The following RIMS2 variants were observed in gnomAD, a reference collection of about 807,000 sequenced individuals.
RIMS2 encodes the protein regulating synaptic membrane exocytosis 2.
A neutral mutation model predicts 174.4 loss-of-function variants in RIMS2; 59 were observed. That is an observed-to-expected ratio of 0.34 (90% CI 0.27 to 0.42). RIMS2 has a LOEUF of 0.42. Ranked by LOEUF, RIMS2 falls within the 10% of genes least tolerant of loss-of-function variation. The pLI, the probability that RIMS2 is intolerant of heterozygous loss-of-function variation, is 1.00. For missense variants in RIMS2, 1,620 were observed against 1,666.3 expected, an observed-to-expected ratio of 0.97 and a Z score of 0.48; for synonymous variants, 606 against 572.5, an observed-to-expected ratio of 1.06 and a Z score of -0.84.
At chr8:103,752,952 C>T (rs1480408050) in intron 2 of RIMS2, among the ~76,000 whole-genome samples, 2 of 152,026 alleles carry the variant, frequency 1.3e-5, no homozygotes, top group East Asian at 3.9e-4. Context: ...ATTGCCCTGG[C>T]CAGAACTTCC....
chr8:103,931,519 C>A (rs76449833), intron 12 of RIMS2, 126 bp downstream of exon 14: 3 of 568,502 alleles, frequency 5.3e-6, no homozygotes, highest in South Asian at 6.4e-5. Context: ...TTAACATAAA[C>A]GTGATGTTCT....
intron 19 of RIMS2, among the ~76,000 whole-genome samples, chr8:104,090,964 A>G (rs1173798641): frequency 1.3e-5 from 2 of 151,934 alleles, no homozygotes; most frequent in African/African-American, 4.8e-5. Flanking sequence ...AATCATCATC[A>G]TCATCATCAT....
At chr8:104,140,177 T>G (rs561689889) in intron 19 of RIMS2, among the ~76,000 whole-genome samples, 24 of 152,128 alleles carry the variant, frequency 1.6e-4, no homozygotes, top group Non-Finnish European at 2.9e-4. Context: ...TTTTGAAGAT[T>G]TTTGCATCTT....
intron 19 of RIMS2, among the ~76,000 whole-genome samples, chr8:104,147,178 C>T (rs1338755537): frequency 1.3e-5 from 2 of 151,926 alleles, no homozygotes; most frequent in Non-Finnish European, 2.9e-5. Flanking sequence ...AACATATTCT[C>T]ATCTCTTTTC....
chr8:104,017,420 A>G (rs1052471043), intron 19 of RIMS2, among the ~76,000 whole-genome samples: 1 of 152,004 alleles, frequency 6.6e-6, no homozygotes, highest in African/African-American at 2.4e-5. Flanking sequence ...TCTGTTATAT[A>G]TTTAGCCATT....
At chr8:103,586,535 A>G (rs796838751) in intron 1 of RIMS2, among the ~76,000 whole-genome samples, 6 of 152,176 alleles carry the variant, frequency 3.9e-5, no homozygotes, top group African/African-American at 1.4e-4. Context: ...AAACTGAAAA[A>G]TTTGTTGAAA....
In RIMS2 at chr8:104,036,984, A is replaced by G. The variant is rs994004886; in HGVS notation, c.3334+22369A>G. ...CACCTAATTTAATAGATGGCCATTT[A>G]ATAGGTTGAAATTATTGTAAATGTT... On this transcript the variant is annotated intron_variant, in intron 19 of 23. Coordinates refer to ENST00000504942, the Ensembl canonical transcript of RIMS2. Among the ~76,000 whole-genome samples, 7 of 152,198 alleles carry G rather than the reference A, an allele frequency of 4.6e-5. No individual in the cohort carries two copies. The East Asian group carries it at 1.3e-3, about 29-fold the overall frequency.
chr8:103,835,454 T>A (rs2098876784), intron 3 of RIMS2, among the ~76,000 whole-genome samples: 1 of 152,144 alleles, frequency 6.6e-6, no homozygotes. Flanking sequence ...TGAATTTGGT[T>A]AAAATCATAA....
intron 1 of RIMS2, among the ~76,000 whole-genome samples, chr8:103,545,218 C>T (rs1485550557): frequency 6.6e-6 from 1 of 152,062 alleles, no homozygotes; most frequent in East Asian, 1.9e-4. Flanking sequence ...GATAGATTGG[C>T]TGTATAATGG....
intron 2 of RIMS2, among the ~76,000 whole-genome samples, chr8:103,736,230 C>T (rs541790001): frequency 6.6e-6 from 1 of 152,170 alleles, no homozygotes; most frequent in South Asian, 2.1e-4. Context: ...TTGAAGTAAC[C>T]CATGGCAATT....
At position 103,998,212 on chromosome 8, in the gene RIMS2, A is replaced by T. The variant is rs763683493; in HGVS notation, c.3044+8791A>T. 2.5e-6 allele frequency: 4 copies of T among 1,610,122 alleles called. No individual in the cohort carries two copies. The East Asian group carries it at 6.7e-5, about 27-fold the overall frequency. ...ATTTTCTTACTCTACCTCGCTCCAG[A>T]TACAGTCAGACCATTGACCATCATC... On this transcript the variant is annotated intron_variant, in intron 17 of 23. Coordinates refer to ENST00000504942, the Ensembl canonical transcript of RIMS2.
intron 1 of RIMS2, among the ~76,000 whole-genome samples, chr8:103,689,993 C>G (rs2096996699): frequency 1.5e-5 from 2 of 134,348 alleles, no homozygotes; most frequent in Admixed American, 7.8e-5. Flanking sequence ...TGGAGTCTTA[C>G]TTTGTTGCCC....
At chr8:103,604,513 T>C in intron 1 of RIMS2, among the ~76,000 whole-genome samples, 2 of 151,986 alleles carry the variant, frequency 1.3e-5, no homozygotes. Context: ...AACTTTAAAG[T>C]AGTTTTTTCC....
intron 2 of RIMS2, among the ~76,000 whole-genome samples, chr8:103,752,841 A>G (rs917110404): frequency 1.1e-4 from 16 of 152,240 alleles, no homozygotes; most frequent in Non-Finnish European, 1.6e-4. Context: ...GGGCTGAGAC[A>G]ATGGGGGTTT....
At chr8:103,922,426 A>C (rs997907641) in intron 10 of RIMS2, among the ~76,000 whole-genome samples, 1 of 152,030 alleles carries the variant, frequency 6.6e-6, no homozygotes, top group African/African-American at 2.4e-5. Flanking sequence ...GAAACTTTAC[A>C]AATCTAAGTC....
intron 16 of RIMS2, among the ~76,000 whole-genome samples, chr8:103,984,356 GA>G (rs2094179850): frequency 2.0e-5 from 3 of 151,810 alleles, no homozygotes; most frequent in African/African-American, 7.3e-5. Context: ...AACTGTATAG[GA>G]AAAAAATCCA....
At chr8:104,251,290 A>G in intron 23 of RIMS2, 127 bp downstream of exon 29, 1 of 835,268 alleles carries the variant, frequency 1.2e-6, no homozygotes, top group African/African-American at 1.7e-5. Flanking sequence ...GAAACTTTTC[A>G]AAGCAGTGGC....
intron 19 of RIMS2, among the ~76,000 whole-genome samples, chr8:104,116,592 A>G (rs913521446): frequency 6.6e-6 from 1 of 152,154 alleles, no homozygotes; most frequent in Non-Finnish European, 1.5e-5. Flanking sequence ...TAGGATTTAC[A>G]TTTGTATGAA....
chr8:104,175,717 C>G (rs1351406324), intron 19 of RIMS2, among the ~76,000 whole-genome samples: 2 of 151,964 alleles, frequency 1.3e-5, no homozygotes, highest in South Asian at 4.1e-4. Context: ...AGAGAAAGAA[C>G]AAGTAAAGAA....
Sources: allele counts gnomAD v4.1 joint callset (sites outside exome capture counted in the v4.1 genomes callset), GRCh38; gene constraint gnomAD v4.1.1; transcripts MANE v1.5; gene names NCBI Gene and HGNC (gene_info 2026-07-23, HGNC 2026-07-21).